The following FBXL19 variants were observed in gnomAD, a reference collection of about 807,000 sequenced individuals.
FBXL19 encodes F-box and leucine rich repeat protein 19.
Under a neutral mutation model 71.2 loss-of-function variants are expected in FBXL19, and 16 were observed. The ratio of observed to expected loss-of-function variants is 0.22; its 90% CI spans 0.15 to 0.34. The LOEUF (loss-of-function observed/expected upper bound fraction) is 0.34, where lower values mean the gene tolerates loss of function less well. Among genes scored for constraint, FBXL19 ranks in the 10% least tolerant of loss-of-function variants. The pLI is 1.00. For missense variants in FBXL19, 658 were observed against 968.2 expected, an observed-to-expected ratio of 0.68 and a Z score of 4.25; for synonymous variants, 447 against 409.4, an observed-to-expected ratio of 1.09 and a Z score of -1.11.
chr16:30,943,512 C>T (rs2055825031), intron 9 of FBXL19, among the ~76,000 whole-genome samples: 1 of 151,528 alleles, frequency 6.6e-6, no homozygotes. Flanking sequence ...GTAGCTGGGA[C>T]TACAGGCGCC....
chr16:30,930,119 C>A lies in FBXL19; in HGVS notation c.836C>A (p.Ser279Tyr). Residue 279 changes from serine to tyrosine, a missense_variant, in exon 7 of 11, where the codon TCC becomes TAC. Ser to Tyr is a moderately radical substitution (Grantham distance 144). Transcript: ENST00000338343. The surrounding 1 kb of genome is among the most constrained non-coding windows in gnomAD (Gnocchi z 8.5). Reference sequence around the variant, plus strand: ...TCTGCAGAGGGCCCAGCGGTGCCGTCCCCGTCCCCGCAGAGGGAGAAGCTA... The same window carrying A: ...TCTGCAGAGGGCCCAGCGGTGCCGTACCCGTCCCCGCAGAGGGAGAAGCTA... ...LASAEGPAVP[S>Y]PSPQREKLER... The A allele has an allele frequency of 2.5e-6, 4 of 1,613,576 alleles. No homozygotes were observed. Among genetic ancestry groups the A allele is most frequent in the Non-Finnish European group, 3.4e-6 (4 of 1,179,890 alleles).
chr16:30,923,703 C>A lies in FBXL19; in HGVS notation c.-781C>A, dbSNP rs1477849501. 2.0e-5 allele frequency among the ~76,000 whole-genome samples: 3 copies of A among 151,696 alleles called. No individual in the cohort carries two copies. The highest frequency in any genetic ancestry group is 4.4e-5 in the Non-Finnish European group (3 of 67,850). On this transcript the variant is annotated 5_prime_UTR_variant, in exon 1 of 11. Coordinates refer to ENST00000338343, the MANE Select transcript of FBXL19 (RefSeq NM_001382779.1). ...ACTGCCCCCTTCCCCTTTCCCTCTC[C>A]CCCTCTATCCTTTCCTTCCACCCTC...
At position 30,927,879 on chromosome 16, in the gene FBXL19, C is replaced by CGGGCCCCCCCCGGAGGACGTGCCT; in HGVS notation, c.553_576dup (p.Pro185_Pro192dup). On this transcript the variant is annotated inframe_insertion, in exon 5 of 11. Transcript: ENST00000338343. ...CCAGGCGCAAGGGCCCCCTGCCTGC[C>CGGGCCCCCCCCGGAGGACGTGCCT]GGGCCCCCCCCGGAGGACGTGCCTG... The CGGGCCCCCCCCGGAGGACGTGCCT allele has an allele frequency of 2.0e-6, 3 of 1,528,352 alleles. No homozygotes were observed. Among genetic ancestry groups the CGGGCCCCCCCCGGAGGACGTGCCT allele is most frequent in the Non-Finnish European group, 2.6e-6 (3 of 1,138,504 alleles). 94.7% of individuals were successfully genotyped at this position (1,528,352 alleles called of 1,614,324 possible).
In FBXL19 at chr16:30,930,268, G is replaced by A. The variant is rs761311601; in HGVS notation, c.985G>A (p.Glu329Lys). ...GCTGAGTGAGGACGAAGCCCCCGGC[G>A]AGGCCCGGAATGGGCGACGGCCAGC... is the stretch of plus-strand genomic sequence containing the variant. ...TSLSEDEAPG[E>K]ARNGRRPARG... Residue 329 changes from glutamate (E) to lysine (K), a missense_variant, in exon 7 of 11, where the codon GAG (glutamate) becomes AAG (lysine). Glu to Lys is a moderately conservative substitution (Grantham distance 56, BLOSUM62 1). Around this residue, in one of 8 missense-constraint regions of FBXL19, gnomAD observed 447 missense variants for 515.4 expected, o/e 0.87. Coordinates refer to ENST00000338343, the MANE Select transcript of FBXL19 (RefSeq NM_001382779.1). This position sits in a 1 kb window ranked among gnomAD's most constrained non-coding sequence, Gnocchi z 8.5. The A allele has an allele frequency of 6.2e-7, 1 of 1,612,734 alleles. No homozygotes were observed. Among genetic ancestry groups the A allele is most frequent in the Non-Finnish European group, 8.5e-7 (1 of 1,179,784 alleles).
In FBXL19 at chr16:30,923,582, G is replaced by A. The variant is rs1268449558; in HGVS notation, c.-902G>A. Among the ~76,000 whole-genome samples the A allele has an allele frequency of 2.0e-5, 3 of 149,246 alleles. No individual in the cohort carries two copies. The highest frequency in any genetic ancestry group is 7.4e-5 in the African/African-American group (3 of 40,344). ...GGGAGGGGAGGGGGGAAGAGAGGAG[G>A]AAGGAGGAAGGAGCTGAGGAGGGAT... is the stretch of plus-strand genomic sequence containing the variant. On this transcript the variant is annotated 5_prime_UTR_variant, in exon 1 of 11. Transcript: ENST00000338343.
At chr16:30,933,360 A>T (rs1309499569) in intron 7 of FBXL19, among the ~76,000 whole-genome samples, 3 of 151,982 alleles carry the variant, frequency 2.0e-5, no homozygotes, top group African/African-American at 7.3e-5. Context: ...GCTGGTCTCA[A>T]ACTCCTGACC....
At position 30,925,582 on chromosome 16, in the gene FBXL19, G is replaced by A. The variant is rs896344947; in HGVS notation, c.-24-149G>A. On this transcript the variant is annotated intron_variant, in intron 1 of 10. Coordinates refer to ENST00000338343, the MANE Select transcript of FBXL19 (RefSeq NM_001382779.1). This position sits in a 1 kb window ranked among gnomAD's most constrained non-coding sequence, Gnocchi z 5.0. ...GGAGACAGGCCTTGAGTAGAGGATT[G>A]GCCCCCAGATACACAGAAGGGGGTG... is the stretch of plus-strand genomic sequence containing the variant. 7.4e-6 allele frequency: 6 copies of A among 809,768 alleles called. No homozygotes were observed. The African/African-American group carries it at 9.2e-5, about 12-fold the overall frequency. The allele number at this position is 809,768 out of a possible 1,614,324, so 50.2% of individuals were successfully genotyped here. A position where few individuals can be genotyped will look rare whatever the true frequency, so the allele number is the denominator to read the frequency against.
In FBXL19 at chr16:30,935,882, G is replaced by C. The variant is rs187645203; in HGVS notation, c.1301+5298G>C. 6.0e-3 allele frequency among the ~76,000 whole-genome samples: 917 copies of C among 152,226 alleles called. 6 individuals carry two copies. The highest frequency in any genetic ancestry group is 9.5e-3 in the Non-Finnish European group (645 of 68,010). ...TCAAGCCACATGTCTCTGGGACGAC[G>C]GCACACCTTGGCTCTTAGAGCTTTC... On this transcript the variant is annotated intron_variant, in intron 7 of 10. Coordinates refer to ENST00000338343, the MANE Select transcript of FBXL19 (RefSeq NM_001382779.1).
Position 30,946,297 on chromosome 16 carries a change from G to A in FBXL19, c.1628-433G>A, listed in dbSNP as rs1194357529. Among the ~76,000 whole-genome samples the A allele has an allele frequency of 6.6e-5, 10 of 152,130 alleles. No homozygotes were observed. Among genetic ancestry groups the A allele is most frequent in the Non-Finnish European group, 1.0e-4 (7 of 68,018 alleles). ...TGGCTCACTGCAACCTCCACCTCTC[G>A]GGTTCAAGTGATTCTCCTGCCTCAG... is the stretch of plus-strand genomic sequence containing the variant. On this transcript the variant is annotated intron_variant, in intron 9 of 10. Coordinates refer to ENST00000338343, the MANE Select transcript of FBXL19 (RefSeq NM_001382779.1). The surrounding 1 kb of genome is among the most constrained non-coding windows in gnomAD (Gnocchi z 6.7).
chr16:30,922,881 C>T (rs1046945333), upstream of FBXL19: 3 of 374,120 alleles, frequency 8.0e-6, no homozygotes, highest in Admixed American at 3.0e-5. Context: ...GCGAGGTGCC[C>T]AAGGTGGTGG....
At position 30,948,596 on chromosome 16, in the gene FBXL19, A is replaced by C. The variant is rs1482590380; in HGVS notation, c.*1366A>C. The C allele has an allele frequency of 8.7e-5, 1 of 11,444 alleles. No homozygotes were observed. Among genetic ancestry groups the C allele is most frequent in the Non-Finnish European group, 1.8e-4 (1 of 5,582 alleles). The allele number at this position is 11,444 out of a possible 1,614,324, so 0.7% of individuals were successfully genotyped here. ...AACAGGGAGGTGCGCGGGTGGGGGG[A>C]GGGCTGGGCGGACCAAAGGCCGGAG... is the stretch of plus-strand genomic sequence containing the variant. On this transcript the variant is annotated 3_prime_UTR_variant, in exon 11 of 11. Coordinates refer to ENST00000338343, the MANE Select transcript of FBXL19 (RefSeq NM_001382779.1).
chr16:30,931,030 A>G (rs1371151645), intron 7 of FBXL19, among the ~76,000 whole-genome samples: 1 of 152,030 alleles, frequency 6.6e-6, no homozygotes, highest in African/African-American at 2.4e-5. Flanking sequence ...GGTTCCATTC[A>G]CTTAGGAGAA....
At position 30,948,023 on chromosome 16, in the gene FBXL19, G is replaced by A. The variant is rs577701943; in HGVS notation, c.*793G>A. ...CAATACTTGAACATTCATCTGTACTGAAGTGTTACTTGAACCGGGGGAATC... is the reference window on the plus strand; with the variant it reads ...CAATACTTGAACATTCATCTGTACTAAAGTGTTACTTGAACCGGGGGAATC... On this transcript the variant is annotated 3_prime_UTR_variant, in exon 11 of 11. Transcript: ENST00000338343. The A allele has an allele frequency of 4.2e-5, 13 of 307,580 alleles. No homozygotes were observed. The highest frequency in any genetic ancestry group is 3.0e-4 in the South Asian group (12 of 40,418). 19.1% of individuals were successfully genotyped at this position (307,580 alleles called of 1,614,324 possible).
In FBXL19 at chr16:30,942,170, G is replaced by T; in HGVS notation, c.1356G>T (p.Leu452=). 6.3e-7 allele frequency: 1 copy of T among 1,598,198 alleles called. No individual in the cohort carries two copies. The highest frequency in any genetic ancestry group is 2.3e-5 in the East Asian group (1 of 43,988). The change falls in exon 8 of 11, where the codon CTG becomes CTT. Residue 452 remains leucine, a synonymous_variant. Transcript: ENST00000338343. This position sits in a 1 kb window ranked among gnomAD's most constrained non-coding sequence, Gnocchi z 5.7. The stretch of plus-strand genomic sequence containing the variant: ...TGGACCTGAGCCGGCGGAAGTCACT[G>T]ACCCCGCCCATGCTCAGTGGTGTGG... ...PRMDLSRRKS[L]TPPMLSGVVR... is the part of the protein sequence containing the mutation.
Position 30,925,684 on chromosome 16 carries a change from C to T in FBXL19, c.-24-47C>T. ...AGGGACCTGTCAGGGGTCTCCCAGGCCAGGGCCCCAGTGGGCCCATCTGAC... is the reference window on the plus strand; with the variant it reads ...AGGGACCTGTCAGGGGTCTCCCAGGTCAGGGCCCCAGTGGGCCCATCTGAC... On this transcript the variant is annotated intron_variant, in intron 1 of 10. Transcript: ENST00000338343. This position sits in a 1 kb window ranked among gnomAD's most constrained non-coding sequence, Gnocchi z 5.0. 6.9e-7 allele frequency: 1 copy of T among 1,454,408 alleles called. No homozygotes were observed. Among genetic ancestry groups the T allele is most frequent in the Non-Finnish European group, 9.0e-7 (1 of 1,112,442 alleles). The allele number at this position is 1,454,408 out of a possible 1,614,324, so 90.1% of individuals were successfully genotyped here.
Position 30,924,375 on chromosome 16 carries a change from G to T in FBXL19, c.-109G>T. 1 of 178,950 alleles carries T rather than the reference G, an allele frequency of 5.6e-6. No homozygotes were observed. The highest frequency in any genetic ancestry group is 1.2e-5 in the Non-Finnish European group (1 of 85,404). 11.1% of individuals were successfully genotyped at this position (178,950 alleles called of 1,614,324 possible). On this transcript the variant is annotated 5_prime_UTR_variant, in exon 1 of 11. Coordinates refer to ENST00000338343, the MANE Select transcript of FBXL19 (RefSeq NM_001382779.1). ...GCGTTCTGAGCGTTCCGCGCCCCGC[G>T]CCGCCCGGCCCCCCCGCCGCCGATG... is the stretch of plus-strand genomic sequence containing the variant.
chr16:30,941,208 G>C (rs1431816754), intron 7 of FBXL19, among the ~76,000 whole-genome samples: 2 of 152,168 alleles, frequency 1.3e-5, no homozygotes, highest in Non-Finnish European at 2.9e-5. Flanking sequence ...GGGTGCAGTA[G>C]CTCATGCCTG....
At position 30,947,095 on chromosome 16, in the gene FBXL19, C is replaced by T; in HGVS notation, c.1890C>T (p.Arg630=). Residue 630 remains arginine (R), a synonymous_variant, in exon 11 of 11, where the codon CGC becomes CGT. Transcript: ENST00000338343. ...ACCACTGCCTCCCGCTGTTCCGCCGCTGCCCTCGTCTACGCCGCCTAGACC... is the reference window on the plus strand; with the variant it reads ...ACCACTGCCTCCCGCTGTTCCGCCGTTGCCCTCGTCTACGCCGCCTAGACC... The part of the protein sequence containing the change: ...LTDHCLPLFR[R]CPRLRRLDLR... 6.3e-7 allele frequency: 1 copy of T among 1,598,362 alleles called. No homozygotes were observed. The highest frequency in any genetic ancestry group is 8.5e-7 in the Non-Finnish European group (1 of 1,177,506).
intron 7 of FBXL19, among the ~76,000 whole-genome samples, chr16:30,936,319 TCTCTC>T (rs1481186645): frequency 1.3e-5 from 2 of 152,068 alleles, no homozygotes; most frequent in Non-Finnish European, 2.9e-5. Context: ...TCTTGCCTCT[TCTCTC>T]CTCAGAATTC....
Sources: gnomAD v4.1 joint callset for allele counts (sites outside exome capture counted in the v4.1 genomes callset) on GRCh38, gnomAD v4.1.1 for gene constraint, gnomAD v4.1.1 regional missense constraint, Gnocchi (gnomAD v3.1) non-coding constraint, MANE v1.5 for transcripts, NCBI Gene and HGNC (gene_info 2026-07-23, HGNC 2026-07-21) for gene names.